The following MFSD12 variants were observed in gnomAD, a reference collection of about 807,000 sequenced individuals.
The protein encoded by MFSD12 is major facilitator superfamily domain containing 12.
Under a neutral mutation model 51.2 loss-of-function variants are expected in MFSD12, and 67 were observed. That is an observed-to-expected ratio of 1.31 (90% CI 1.08 to 1.60). MFSD12 has a LOEUF of 1.60. Among genes scored for constraint, MFSD12 ranks in the 40% most tolerant of loss-of-function variants. The pLI, the probability that MFSD12 is intolerant of heterozygous loss-of-function variation, is 0.00. For missense variants in MFSD12, 921 were observed against 673.0 expected (o/e 1.37, Z -4.08); for synonymous variants, 441 against 316.7 (o/e 1.39, Z -4.17).
Position 3,557,432 on chromosome 19 carries a change from C to T in MFSD12, c.-29G>A, listed in dbSNP as rs1345812778. 8.4e-7 allele frequency: 1 copy of T among 1,197,172 alleles called. No individual in the cohort carries two copies. Among genetic ancestry groups the T allele is most frequent in the Admixed American group, 4.6e-5 (1 of 21,688 alleles). 74.2% of individuals were successfully genotyped at this position (1,197,172 alleles called of 1,614,324 possible). A position where few individuals can be genotyped will look rare whatever the true frequency, so the allele number is the denominator to read the frequency against. The stretch of plus-strand genomic sequence containing the variant: ...GGCGCCGGGCCCGCGCCCCCCACCC[C>T]CGGGCTCCGCGGAGGGTACCCTGGC... On this transcript the variant is annotated 5_prime_UTR_variant, in exon 1 of 10. Coordinates refer to ENST00000355415, the MANE Select transcript of MFSD12 (RefSeq NM_174983.5).
chr19:3,551,794 C>A lies in MFSD12; in HGVS notation c.299-600G>T, dbSNP rs528332773. 1.3e-5 allele frequency among the ~76,000 whole-genome samples: 2 copies of A among 152,184 alleles called. No homozygotes were observed. Among genetic ancestry groups the A allele is most frequent in the African/African-American group, 4.8e-5 (2 of 41,458 alleles). On this transcript the variant is annotated intron_variant, in intron 1 of 9. Coordinates refer to ENST00000355415, the MANE Select transcript of MFSD12 (RefSeq NM_174983.5). The surrounding 1 kb of genome is among the most constrained non-coding windows in gnomAD (Gnocchi z 4.6). ...CCGCAGCCCACGGAGCCCTTTGCGA[C>A]CTGCCCTGTCCCCTCCGTGCCCTGC... is the stretch of plus-strand genomic sequence containing the variant.
chr19:3,548,137 C>A lies in MFSD12; in HGVS notation c.640G>T (p.Val214Leu). The A allele has an allele frequency of 1.2e-6, 2 of 1,607,144 alleles. No homozygotes were observed. The highest frequency in any genetic ancestry group is 1.7e-6 in the Non-Finnish European group (2 of 1,178,786). ...SISDQLGGQDVPVFRNLSLLV... is the reference protein window; with the variant it reads ...SISDQLGGQDLPVFRNLSLLV... ...CTCCAGCTCACCCGGAACACGGGCA[C>A]GTCCTGGCCCCCCAGCTGGTCGCTG... Residue 214 changes from valine to leucine, a missense_variant, in exon 3 of 10, where the codon GTG becomes TTG. Transcript: ENST00000355415.
downstream of MFSD12, chr19:3,543,409 C>CT (rs1434991707): frequency 2.6e-6 from 4 of 1,548,218 alleles, no homozygotes; most frequent in Admixed American, 2.0e-5. Context: ...CGGCCAGCCC[C>CT]TTCCGCGAGG....
Position 3,544,939 on chromosome 19 carries a change from G to A in MFSD12, c.1290C>T (p.Pro430=). The A allele has an allele frequency of 6.2e-7, 1 of 1,605,932 alleles. No homozygotes were observed. The highest frequency in any genetic ancestry group is 2.2e-5 in the East Asian group (1 of 44,600). ...CGCAGGCCCTGCAGCAGAGCTCTGA[G>A]CTGTGGGAGGAGGCGGGGGATGAGT... ...VMAIQSLHPC[P]SELCCRACVS... Residue 430 remains proline, a splice_region_variant and synonymous_variant, in exon 9 of 10, where the codon CCC becomes CCT. Coordinates refer to ENST00000355415, the MANE Select transcript of MFSD12 (RefSeq NM_174983.5).
At chr19:3,538,682 A>G (rs900246727) in exon 5 of MFSD12, 1 of 471,860 alleles carries the variant, frequency 2.1e-6, no homozygotes, top group African/African-American at 2.0e-5. Flanking sequence ...CCTCACCTTC[A>G]CTGGGTGTTC....
intron 4 of MFSD12, 125 bp downstream of exon 4, chr19:3,547,723 G>A: frequency 9.6e-6 from 12 of 1,255,026 alleles, no homozygotes; most frequent in Non-Finnish European, 1.3e-5. Flanking sequence ...AGTGACGTTT[G>A]CCCTGGGTGT....
intron 2 of MFSD12, among the ~76,000 whole-genome samples, chr19:3,549,795 G>A (rs981880922): frequency 1.9e-4 from 29 of 150,312 alleles, no homozygotes; most frequent in Non-Finnish European, 3.3e-4. Flanking sequence ...AGGCCAAGGC[G>A]GGCAGATCAC....
At chr19:3,545,082 C>T (rs2030873656) in intron 8 of MFSD12, 143 bp from the exon 9 acceptor site, 3 of 1,107,742 alleles carry the variant, frequency 2.7e-6, no homozygotes, top group Non-Finnish European at 3.8e-6. Flanking sequence ...TCCCTCCCTC[C>T]TGTCCCACAC....
downstream of MFSD12, chr19:3,541,624 G>C: frequency 1.0e-6 from 1 of 984,536 alleles, no homozygotes; most frequent in Non-Finnish European, 1.2e-6. Context: ...CCCAGTGCAA[G>C]ACCCTATTTC....
chr19:3,544,212 T>G lies in MFSD12; in HGVS notation c.*498A>C. On this transcript the variant is annotated 3_prime_UTR_variant, in exon 10 of 10. Coordinates refer to ENST00000355415, the MANE Select transcript of MFSD12 (RefSeq NM_174983.5). ...CAGGAGCCAGGCTGCCGTCATCTCTTTATTTGCTGCCAGCAGAGTCCACCA... is the reference window on the plus strand; with the variant it reads ...CAGGAGCCAGGCTGCCGTCATCTCTGTATTTGCTGCCAGCAGAGTCCACCA... 1 of 1,349,288 alleles carries G rather than the reference T, an allele frequency of 7.4e-7. No homozygotes were observed. The highest frequency in any genetic ancestry group is 9.5e-7 in the Non-Finnish European group (1 of 1,050,382). The allele number at this position is 1,349,288 out of a possible 1,614,324, so 83.6% of individuals were successfully genotyped here. A position where few individuals can be genotyped will look rare whatever the true frequency, so the allele number is the denominator to read the frequency against.
At chr19:3,552,241 C>T (rs1308277655) in intron 1 of MFSD12, among the ~76,000 whole-genome samples, 3 of 151,484 alleles carry the variant, frequency 2.0e-5, no homozygotes, top group African/African-American at 4.8e-5. Flanking sequence ...GATCTCGGCT[C>T]GCTGCAACCT....
rs749994302 is a variant in MFSD12 at position 3,547,885 on chromosome 19, A to T, written c.800T>A (p.Leu267His). The T allele has an allele frequency of 6.5e-7, 1 of 1,549,530 alleles. No individual in the cohort carries two copies. Among genetic ancestry groups the T allele is most frequent in the Non-Finnish European group, 8.6e-7 (1 of 1,156,390 alleles). Residue 267 changes from leucine to histidine, a missense_variant, in exon 4 of 10, where the codon CTC becomes CAC. Coordinates refer to ENST00000355415, the MANE Select transcript of MFSD12 (RefSeq NM_174983.5). ...CGGCTCCCGGAGCCAGTGCTTCCAG[A>T]GCAGCAGGGGCTGGGCCGTGGCAGG... ...LAPATAQPLLLWKHWLREPAF... is the reference protein window; with the variant it reads ...LAPATAQPLLHWKHWLREPAF...
chr19:3,546,225 C>T (rs1226383611), intron 7 of MFSD12, 30 bp downstream of exon 7: 1 of 1,606,628 alleles, frequency 6.2e-7, no homozygotes, highest in Non-Finnish European at 8.5e-7. Flanking sequence ...GACCCGGCCT[C>T]CCCCACCCCA....
At chr19:3,543,946 T>C (rs1419668402), downstream of MFSD12, 4 of 1,550,648 alleles carry the variant, frequency 2.6e-6, no homozygotes, top group Non-Finnish European at 3.5e-6. Context: ...GAGTGGGTCC[T>C]GGAACCATAC....
At chr19:3,538,792 G>A in intron 4 of MFSD12, 1 of 538,192 alleles carries the variant, frequency 1.9e-6, no homozygotes, top group South Asian at 1.5e-5. Context: ...GATGTGAGTG[G>A]GTGAGGAGTG....
chr19:3,541,569 C>A, downstream of MFSD12: 1 of 742,832 alleles, frequency 1.3e-6, no homozygotes, highest in Non-Finnish European at 1.6e-6. Flanking sequence ...GATCCGCCTG[C>A]CTCGGCCTCC....
Position 3,544,445 on chromosome 19 carries a change from C to A in MFSD12, c.*265G>T, listed in dbSNP as rs554285356. 25 of 1,341,308 alleles carry A rather than the reference C, an allele frequency of 1.9e-5. No homozygotes were observed. Among genetic ancestry groups the A allele is most frequent in the African/African-American group, 7.3e-5 (5 of 68,110 alleles). 83.1% of individuals were successfully genotyped at this position (1,341,308 alleles called of 1,614,324 possible). A position where few individuals can be genotyped will look rare whatever the true frequency, so the allele number is the denominator to read the frequency against. On this transcript the variant is annotated 3_prime_UTR_variant, in exon 10 of 10. Coordinates refer to ENST00000355415, the MANE Select transcript of MFSD12 (RefSeq NM_174983.5). ...GGGATTCCTACTTCCTGTTCCCTGC[C>A]GAGAGGGGCACCCCAAATCCTCCAG...
chr19:3,543,316 A>G (rs1174360960), downstream of MFSD12: 6 of 1,549,158 alleles, frequency 3.9e-6, no homozygotes, highest in African/African-American at 8.2e-5. Context: ...CGCCCATGGG[A>G]CGGGACGCAG....
At chr19:3,555,128 G>GT (rs1159012814) in intron 1 of MFSD12, among the ~76,000 whole-genome samples, 1 of 152,142 alleles carries the variant, frequency 6.6e-6, no homozygotes, top group Non-Finnish European at 1.5e-5. Flanking sequence ...GTTGTTTTTT[G>GT]TTTTTTTAGA....
Sources: gnomAD v4.1 joint callset for allele counts (sites outside exome capture counted in the v4.1 genomes callset) on GRCh38, gnomAD v4.1.1 for gene constraint, Gnocchi (gnomAD v3.1) non-coding constraint, MANE v1.5 for transcripts, NCBI Gene and HGNC (gene_info 2026-07-23, HGNC 2026-07-21) for gene names.